Variants in ZNF638 observed in about 807,000 individuals in gnomAD.
ZNF638 encodes CTCL tumor antigen se33-1.
A neutral mutation model predicts 195.6 loss-of-function variants in ZNF638; 46 were observed. The ratio of observed to expected loss-of-function variants is 0.24; its 90% CI spans 0.19 to 0.30. ZNF638 has a LOEUF of 0.30. ZNF638 is among the 10% of genes least tolerant of loss of function. ZNF638 has a pLI of 1.00. For synonymous variants in ZNF638, 845 were observed against 772.0 expected (o/e 1.09, Z -1.57); for missense variants, 2,440 against 2,325.3 (o/e 1.05, Z -1.01).
chr2:71,367,431 A>ATT (rs3077439), intron 6 of ZNF638, among the ~76,000 whole-genome samples: 2,782 of 112,680 alleles, frequency 0.025, 114 homozygotes, highest in African/African-American at 0.065. Flanking sequence ...GGGTGTTTTA[A>ATT]TTTTTTTTTT....
intron 2 of ZNF638, among the ~76,000 whole-genome samples, chr2:71,355,010 C>T (rs1432750075): frequency 6.6e-6 from 1 of 151,654 alleles, no homozygotes; most frequent in African/African-American, 2.4e-5. Context: ...GCTCTGTCGC[C>T]CAGGCTGGAG....
At position 71,349,664 on chromosome 2, in the gene ZNF638, A is replaced by C. The variant is rs745480037; in HGVS notation, c.710A>C (p.Glu237Ala). Residue 237 changes from glutamate (E) to alanine (A), a missense_variant, in exon 2 of 28, where the codon GAG (glutamate) becomes GCG (alanine). Glu to Ala is a moderately radical substitution (Grantham distance 107). Around this residue, in one of 5 missense-constraint regions of ZNF638, gnomAD observed 305 missense variants for 283.6 expected, o/e 1.08. Coordinates refer to ENST00000264447, the MANE Select transcript of ZNF638 (RefSeq NM_014497.5). ...RIYDPEIPTD[E>A]VENEFQSQQN... ...TATGATCCTGAAATTCCAACTGATG[A>C]GGTCGAGAATGAATTTCAGTCACAG... 6.2e-7 allele frequency: 1 copy of C among 1,614,158 alleles called. No individual in the cohort carries two copies.
At chr2:71,335,270 G>T (rs897627365) in intron 1 of ZNF638, among the ~76,000 whole-genome samples, 1 of 152,066 alleles carries the variant, frequency 6.6e-6, no homozygotes, top group Non-Finnish European at 1.5e-5. Context: ...CAAACTCCTG[G>T]ACTCAAACCA....
At chr2:71,394,292 G>A (rs2079848622) in intron 10 of ZNF638, among the ~76,000 whole-genome samples, 1 of 152,110 alleles carries the variant, frequency 6.6e-6, no homozygotes. Flanking sequence ...TAGAGTCCTT[G>A]CCACCCCAAG....
intron 11 of ZNF638, among the ~76,000 whole-genome samples, 163 bp downstream of exon 11, chr2:71,396,354 T>C (rs2079893826): frequency 6.6e-6 from 1 of 152,232 alleles, no homozygotes; most frequent in Non-Finnish European, 1.5e-5. Flanking sequence ...AAATGATATG[T>C]ACTAGATAAT....
chr2:71,402,106 C>G lies in ZNF638; in HGVS notation c.2829+19C>G. The G allele has an allele frequency of 6.3e-7, 1 of 1,595,728 alleles. No individual in the cohort carries two copies. Among genetic ancestry groups the G allele is most frequent in the South Asian group, 1.1e-5 (1 of 87,852 alleles). ...TAAAAAGGTAAGAGTTGATTAATAG[C>G]TGTTCATATCCTCTGCAAGCATGCA... On this transcript the variant is annotated intron_variant, in intron 16 of 27. Coordinates refer to ENST00000264447, the MANE Select transcript of ZNF638 (RefSeq NM_014497.5).
chr2:71,410,514 A>C (rs2080192951), intron 20 of ZNF638, among the ~76,000 whole-genome samples: 1 of 152,038 alleles, frequency 6.6e-6, no homozygotes, highest in Non-Finnish European at 1.5e-5. Flanking sequence ...CTTGGCCCTA[A>C]ACTAATATTT....
intron 10 of ZNF638, among the ~76,000 whole-genome samples, chr2:71,386,863 T>A (rs937492682): frequency 7.2e-5 from 11 of 152,114 alleles, no homozygotes; most frequent in African/African-American, 2.7e-4. Flanking sequence ...TTTTCTTTTT[T>A]TCTTTTCTTC....
intron 8 of ZNF638, 101 bp downstream of exon 8, chr2:71,370,106 A>G: frequency 1.6e-6 from 2 of 1,279,856 alleles, no homozygotes; most frequent in South Asian, 1.4e-5. Flanking sequence ...AGAAACATAA[A>G]TGTTAGCTCA....
chr2:71,378,983 T>C (rs2104345732), intron 8 of ZNF638, among the ~76,000 whole-genome samples: 1 of 152,320 alleles, frequency 6.6e-6, no homozygotes, highest in East Asian at 1.9e-4. Context: ...GAGGCCATTG[T>C]TAAGTACTGG....
intron 21 of ZNF638, among the ~76,000 whole-genome samples, chr2:71,420,879 A>G (rs10171071): frequency 0.097 from 14,827 of 152,270 alleles, 796 homozygotes; most frequent in South Asian, 0.13. Context: ...CTATGATTTG[A>G]AAAGACTAGC....
intron 1 of ZNF638, among the ~76,000 whole-genome samples, chr2:71,348,011 C>CA (rs778244773): frequency 7.9e-5 from 12 of 152,314 alleles, no homozygotes; most frequent in Admixed American, 1.3e-4. Context: ...CGCTGACTGA[C>CA]ACGTGGACAG....
chr2:71,431,743 G>C (rs1054481926), intron 26 of ZNF638, among the ~76,000 whole-genome samples: 8 of 148,838 alleles, frequency 5.4e-5, no homozygotes, highest in African/African-American at 1.5e-4. Flanking sequence ...CTGGGCGACA[G>C]AGTGAGACTC....
chr2:71,331,807 A>G lies in ZNF638; in HGVS notation c.-271A>G, dbSNP rs1362716572. The G allele has an allele frequency of 1.3e-5, 13 of 985,918 alleles. No individual in the cohort carries two copies. Among genetic ancestry groups the G allele is most frequent in the Non-Finnish European group, 1.1e-5 (9 of 830,154 alleles). 61.1% of individuals were successfully genotyped at this position (985,918 alleles called of 1,614,324 possible). A position where few individuals can be genotyped will look rare whatever the true frequency, so the allele number is the denominator to read the frequency against. ...GGAGGCGGTAGCGTTTTCGGCGTCG[A>G]GACTGGAGGCTGAGTGCTAAACTGT... is the stretch of plus-strand genomic sequence containing the variant. On this transcript the variant is annotated 5_prime_UTR_variant, in exon 1 of 28. Coordinates refer to ENST00000264447, the MANE Select transcript of ZNF638 (RefSeq NM_014497.5).
chr2:71,400,532 T>C lies in ZNF638; in HGVS notation c.2697+14T>C. The stretch of plus-strand genomic sequence containing the variant: ...CCACTTAACAAGGTCAGTTTTCATG[T>C]TTTATTTATTTCTTTAAAGCTCAAG... On this transcript the variant is annotated intron_variant, in intron 15 of 27. Transcript: ENST00000264447. 1 of 1,591,356 alleles carries C rather than the reference T, an allele frequency of 6.3e-7. No homozygotes were observed. The highest frequency in any genetic ancestry group is 8.5e-7 in the Non-Finnish European group (1 of 1,170,136).
chr2:71,349,539 T>C lies in ZNF638; in HGVS notation c.585T>C (p.Asn195=), dbSNP rs368418092. ...CTAATTTACCTTCTCAGAGCAGAAA[T>C]AAAGAAACACTTGGTAGTGAAGCAG... ...RLPNLPSQSR[N]KETLGSEAVS... is the part of the protein sequence containing the mutation. The change falls in exon 2 of 28, where the codon AAT becomes AAC. Residue 195 remains asparagine, a synonymous_variant. Transcript: ENST00000264447. The C allele has an allele frequency of 1.9e-6, 3 of 1,613,926 alleles. No homozygotes were observed. The highest frequency in any genetic ancestry group is 2.5e-6 in the Non-Finnish European group (3 of 1,180,010).
chr2:71,371,325 A>C (rs377250665), intron 8 of ZNF638, among the ~76,000 whole-genome samples: 1 of 152,138 alleles, frequency 6.6e-6, no homozygotes, highest in South Asian at 2.1e-4. Flanking sequence ...ATACCTCTTC[A>C]ATATACTGAT....
At chr2:71,372,151 C>T (rs2079325713) in intron 8 of ZNF638, among the ~76,000 whole-genome samples, 1 of 152,048 alleles carries the variant, frequency 6.6e-6, no homozygotes, top group African/African-American at 2.4e-5. Context: ...CAGCTGGTAC[C>T]TCCCTAGGTT....
rs753935323 is a variant in ZNF638, at chr2:71,400,487, T to C, written c.2666T>C (p.Leu889Ser). 1.2e-6 allele frequency: 2 copies of C among 1,607,644 alleles called. No individual in the cohort carries two copies. Among genetic ancestry groups the C allele is most frequent in the Non-Finnish European group, 1.7e-6 (2 of 1,177,956 alleles). ...CAKEAISDAA[L>S]EATENEPLNK... ...TTTATTTTGTATTAAGATGCTGCTT[T>C]GGAGGCCACAGAGAATGAACCACTT... Residue 889 changes from leucine to serine, a missense_variant, in exon 15 of 28, where the codon TTG (leucine) becomes TCG (serine). Physicochemically the swap from Leu to Ser is moderately radical, Grantham distance 145 (BLOSUM62 -2). Around this residue, in one of 5 missense-constraint regions of ZNF638, gnomAD observed 1,883 missense variants for 1,739.1 expected, o/e 1.08. Coordinates refer to ENST00000264447, the MANE Select transcript of ZNF638 (RefSeq NM_014497.5).
Sources: gnomAD v4.1 joint callset for allele counts (sites outside exome capture counted in the v4.1 genomes callset) on GRCh38, gnomAD v4.1.1 for gene constraint, gnomAD v4.1.1 regional missense constraint, MANE v1.5 for transcripts, NCBI Gene and HGNC (gene_info 2026-07-23, HGNC 2026-07-21) for gene names.